CRLF3: variants seen among roughly 807,000 people sequenced by gnomAD.
The protein encoded by CRLF3 is cytokine receptor-like factor 3.
CRLF3 carries 33 observed loss-of-function variants against 55.0 expected under a neutral mutation model. The observed-to-expected ratio is 0.60, with a 90% CI of 0.46 to 0.80. The LOEUF is 0.80. Among genes scored for constraint, CRLF3 ranks in the 30% least tolerant of loss-of-function variants. The probability of loss-of-function intolerance (pLI) is 0.00; values close to 1 mark genes in which losing one functional copy is unlikely to be tolerated. For missense variants in CRLF3, 494 were observed against 538.4 expected, an observed-to-expected ratio of 0.92 and a Z score of 0.82; for synonymous variants, 238 against 196.8, an observed-to-expected ratio of 1.21 and a Z score of -1.75.
In CRLF3 at chr17:30,803,907, G is replaced by T; in HGVS notation, c.331C>A (p.Arg111=). Residue 111 remains arginine, a synonymous_variant, in exon 2 of 8, where the codon CGA becomes AGA. Coordinates refer to ENST00000324238, the MANE Select transcript of CRLF3 (RefSeq NM_015986.4). The part of the protein sequence containing the change: ...HGVNTAEDLV[R]EGEIAMLGGV... The stretch of plus-strand genomic sequence containing the variant: ...AGGCTCCCTGGTCCCCCACCTTCTC[G>T]GACTAAGTCCTCTGCAGTGTTGACT... The T allele has an allele frequency of 1.2e-6, 2 of 1,610,496 alleles. No homozygotes were observed. Among genetic ancestry groups the T allele is most frequent in the Non-Finnish European group, 1.7e-6 (2 of 1,178,522 alleles).
intron 6 of CRLF3, among the ~76,000 whole-genome samples, chr17:30,791,732 G>T (rs1396822431): frequency 7.0e-6 from 1 of 142,690 alleles, no homozygotes; most frequent in Admixed American, 7.1e-5. Context: ...TAGCCAGGAT[G>T]TTCTCAATCT....
chr17:30,793,686 C>G lies in CRLF3; in HGVS notation c.604-14G>C. 6.3e-7 allele frequency: 1 copy of G among 1,575,720 alleles called. No individual in the cohort carries two copies. Among genetic ancestry groups the G allele is most frequent in the South Asian group, 1.1e-5 (1 of 88,838 alleles). On this transcript the variant is annotated splice_polypyrimidine_tract_variant and intron_variant, in intron 4 of 7. Transcript: ENST00000324238. ...GTCATCATCCACCTAGGGAGAAAAG[C>G]TTTATGTTAGGTAAAAAACAGAAAA...
Position 30,782,837 on chromosome 17 carries a change from T to TC in CRLF3, c.*1349dup, listed in dbSNP as rs1971524432. The TC allele has an allele frequency of 6.6e-6, 1 of 152,114 alleles. No homozygotes were observed. The highest frequency in any genetic ancestry group is 1.5e-5 in the Non-Finnish European group (1 of 68,012). 9.4% of individuals were successfully genotyped at this position (152,114 alleles called of 1,614,324 possible). ...ATGATTGTCTAACAGGGAACATGAA[T>TC]CCCCAAATAAATTATCTTACAAAAA... is the stretch of plus-strand genomic sequence containing the variant. On this transcript the variant is annotated 3_prime_UTR_variant, in exon 8 of 8. Coordinates refer to ENST00000324238, the MANE Select transcript of CRLF3 (RefSeq NM_015986.4).
chr17:30,793,933 G>A (rs1971863943), intron 4 of CRLF3, among the ~76,000 whole-genome samples: 3 of 151,882 alleles, frequency 2.0e-5, no homozygotes, highest in African/African-American at 7.3e-5. Flanking sequence ...CCACACCCCG[G>A]GTTCAAGCCA....
intron 1 of CRLF3, among the ~76,000 whole-genome samples, chr17:30,822,055 C>A (rs779430102): frequency 7.0e-6 from 1 of 143,384 alleles, no homozygotes; most frequent in African/African-American, 2.6e-5. Context: ...CCTGTCCGCA[C>A]CCCCGCCAAA....
At chr17:30,815,535 T>TTTC (rs1192250722) in intron 1 of CRLF3, among the ~76,000 whole-genome samples, 16 of 141,442 alleles carry the variant, frequency 1.1e-4, no homozygotes, top group Non-Finnish European at 1.2e-4. Flanking sequence ...AAATGGCTAG[T>TTTC]TTCTTCTTTT....
At chr17:30,816,005 C>T (rs1005378392) in intron 1 of CRLF3, among the ~76,000 whole-genome samples, 22 of 149,456 alleles carry the variant, frequency 1.5e-4, no homozygotes, top group Non-Finnish European at 2.5e-4. Flanking sequence ...ATTTGTAGGC[C>T]GGGCATGGTG....
intron 5 of CRLF3, 110 bp from the exon 6 acceptor site, chr17:30,792,682 G>A (rs1416113297): frequency 2.2e-6 from 2 of 925,528 alleles, no homozygotes; most frequent in Non-Finnish European, 3.3e-6. Flanking sequence ...AGGGGCCATG[G>A]TCAAGTTCAA....
chr17:30,824,379 T>C (rs1597937618), intron 1 of CRLF3, 144 bp downstream of exon 1: 1 of 506,132 alleles, frequency 2.0e-6, no homozygotes, highest in South Asian at 4.6e-5. Flanking sequence ...GTTCCCAGAC[T>C]CCATTAGGTC....
intron 2 of CRLF3, 47 bp downstream of exon 2, chr17:30,803,854 T>C (rs1220934918): frequency 7.2e-7 from 1 of 1,381,572 alleles, no homozygotes. Flanking sequence ...ATCAGCAGTG[T>C]GAAAATGGAC....
chr17:30,810,239 C>T (rs1037625162), intron 1 of CRLF3, among the ~76,000 whole-genome samples: 3 of 152,194 alleles, frequency 2.0e-5, no homozygotes, highest in Non-Finnish European at 4.4e-5. Context: ...GCCACTAAAA[C>T]CTTTAATGTA....
chr17:30,786,779 C>T (rs951869257), intron 6 of CRLF3: 3 of 152,728 alleles, frequency 2.0e-5, no homozygotes, highest in Non-Finnish European at 2.9e-5. Context: ...CAGCTCACTG[C>T]AACCTCTGCC....
intron 1 of CRLF3, among the ~76,000 whole-genome samples, chr17:30,812,042 G>A (rs1009067244): frequency 2.6e-5 from 4 of 151,702 alleles, no homozygotes; most frequent in Non-Finnish European, 4.4e-5. Context: ...CGGGGGAGGC[G>A]GAGCTTGCAG....
intron 1 of CRLF3, among the ~76,000 whole-genome samples, chr17:30,819,641 C>T (rs532321685): frequency 6.6e-6 from 1 of 152,242 alleles, no homozygotes; most frequent in South Asian, 2.1e-4. Flanking sequence ...CCACACCTGG[C>T]TAATTTGTAT....
Position 30,822,051 on chromosome 17 carries a change from C to A in CRLF3, c.129+2472G>T, listed in dbSNP as rs142530911. Among the ~76,000 whole-genome samples, 506 of 143,560 alleles carry A rather than the reference C, an allele frequency of 3.5e-3. 5 individuals are homozygous for A. Among genetic ancestry groups the A allele is most frequent in the African/African-American group, 0.013 (490 of 37,980 alleles). 94.2% of individuals were successfully genotyped at this position (143,560 alleles called of 152,430 possible). On this transcript the variant is annotated intron_variant, in intron 1 of 7. Coordinates refer to ENST00000324238, the MANE Select transcript of CRLF3 (RefSeq NM_015986.4). The stretch of plus-strand genomic sequence containing the variant: ...CTGGGAAACGTAACAAAACCCTGTC[C>A]GCACCCCCGCCAAAAAAAAAAAAAA...
At chr17:30,786,194 T>C in intron 6 of CRLF3, 163 bp from the exon 7 acceptor site, 2 of 530,830 alleles carry the variant, frequency 3.8e-6, no homozygotes, top group East Asian at 6.3e-5. Context: ...ACTGTTCTAA[T>C]TATTTTATAT....
chr17:30,804,057 C>T lies in CRLF3; in HGVS notation c.181G>A (p.Asp61Asn). The change falls in exon 2 of 8, where the codon GAT becomes AAT. Residue 61 changes from aspartate (D) to asparagine (N), a missense_variant. Transcript: ENST00000324238. ...TRDVLKQHFN[D>N]LKGTLGKLLD... The stretch of plus-strand genomic sequence containing the variant: ...AGCTTTCCAAGGGTTCCCTTTAAAT[C>T]ATTAAAATGCTGTTTGAGAACATCC... 3 of 1,613,916 alleles carry T rather than the reference C, an allele frequency of 1.9e-6. No homozygotes were observed. The highest frequency in any genetic ancestry group is 2.5e-6 in the Non-Finnish European group (3 of 1,179,978).
intron 1 of CRLF3, 98 bp from the exon 2 acceptor site, chr17:30,804,206 T>A: frequency 1.3e-6 from 1 of 764,174 alleles, no homozygotes; most frequent in Non-Finnish European, 2.1e-6. Context: ...TATAACCATC[T>A]TCTTCAATTT....
chr17:30,820,825 A>C (rs1420650334), intron 1 of CRLF3, among the ~76,000 whole-genome samples: 1 of 110,674 alleles, frequency 9.0e-6, no homozygotes, highest in Non-Finnish European at 1.9e-5. Flanking sequence ...GACTCTCTCA[A>C]AAAAAAAAAA....
Sources: gnomAD v4.1 joint callset for allele counts (sites outside exome capture counted in the v4.1 genomes callset) on GRCh38, gnomAD v4.1.1 for gene constraint, MANE v1.5 for transcripts, NCBI Gene and HGNC (gene_info 2026-07-23, HGNC 2026-07-21) for gene names.